The following ZFPM1 variants were observed in gnomAD, a reference collection of about 807,000 sequenced individuals.
ZFPM1 encodes zinc finger protein, FOG family member 1.
A neutral mutation model predicts 46.3 loss-of-function variants in ZFPM1; 28 were observed. That is an observed-to-expected ratio of 0.60 (90% CI 0.45 to 0.83). The LOEUF is 0.83. ZFPM1 is among the 40% of genes least tolerant of loss of function. The probability of loss-of-function intolerance (pLI) is 0.00; values close to 1 mark genes in which losing one functional copy is unlikely to be tolerated. For synonymous variants in ZFPM1, 957 were observed against 675.9 expected (o/e 1.42, Z -6.45); for missense variants, 1,878 against 1,432.4 (o/e 1.31, Z -5.02).
Position 88,503,719 on chromosome 16 carries a change from A to G in ZFPM1, c.269-10668A>G, listed in dbSNP as rs568735083. 1.9e-3 allele frequency among the ~76,000 whole-genome samples: 284 copies of G among 152,284 alleles called. 1 individual carries two copies. Among genetic ancestry groups the G allele is most frequent in the African/African-American group, 6.4e-3 (266 of 41,552 alleles). On this transcript the variant is annotated intron_variant, in intron 3 of 9. Coordinates refer to ENST00000319555, the MANE Select transcript of ZFPM1 (RefSeq NM_153813.3). The stretch of plus-strand genomic sequence containing the variant: ...CTTTTAGAAGAGGAGACACATTCAC[A>G]GTTCACGGAAGCACCTTCTGCCTCC...
Position 88,499,615 on chromosome 16 carries a change from C to T in ZFPM1, c.268+10462C>T, listed in dbSNP as rs892997462. On this transcript the variant is annotated intron_variant, in intron 3 of 9. Coordinates refer to ENST00000319555, the MANE Select transcript of ZFPM1 (RefSeq NM_153813.3). ...AGTGTGGGGGACCCCACCTGGGTGG[C>T]CCCTGAATCCCGCTGGCTGGGTGGA... Among the ~76,000 whole-genome samples, 25 of 152,374 alleles carry T rather than the reference C, an allele frequency of 1.6e-4. No homozygotes were observed. The East Asian group carries it at 3.9e-3, about 24-fold the overall frequency.
chr16:88,498,642 C>T (rs9924399), intron 3 of ZFPM1, among the ~76,000 whole-genome samples: 4 of 152,012 alleles, frequency 2.6e-5, no homozygotes, highest in East Asian at 1.9e-4. Context: ...TCCAAATGAA[C>T]GAGGGGCGTC....
intron 4 of ZFPM1, among the ~76,000 whole-genome samples, chr16:88,522,918 T>C (rs1017778394): frequency 2.0e-5 from 3 of 152,052 alleles, no homozygotes; most frequent in Non-Finnish European, 2.9e-5. Context: ...ATAGGCCCCC[T>C]CCCAAGGCCA....
intron 6 of ZFPM1, among the ~76,000 whole-genome samples, chr16:88,530,089 A>G (rs1993994): frequency 0.95 from 143,870 of 152,144 alleles, 68,114 homozygotes; most frequent in East Asian, 1. Context: ...TGAAGAAGGC[A>G]CGGAGGGGAT....
rs186512012 is a variant in ZFPM1 at position 88,467,757 on chromosome 16, C to A, written c.40+14079C>A. On this transcript the variant is annotated intron_variant, in intron 1 of 9. Transcript: ENST00000319555. ...TGGCTGGGACCTGAGATGGGGAGGC[C>A]CCCACCCCCTAGTTCCATGGCTTTG... 9.8e-3 allele frequency among the ~76,000 whole-genome samples: 1,494 copies of A among 152,214 alleles called. 22 individuals are homozygous for A. The highest frequency in any genetic ancestry group is 0.035 in the African/African-American group (1,436 of 41,516).
chr16:88,484,316 C>T (rs1226798824), intron 1 of ZFPM1, among the ~76,000 whole-genome samples: 7 of 152,208 alleles, frequency 4.6e-5, no homozygotes, highest in South Asian at 2.1e-4. Flanking sequence ...TCCATCCGTG[C>T]GGCTTGCTTG....
rs1267956221 is a variant in ZFPM1, at chr16:88,532,117, C to T, written c.828C>T (p.Ala276=). Residue 276 remains alanine, a synonymous_variant, in exon 7 of 10, where the codon GCC becomes GCT. Coordinates refer to ENST00000319555, the MANE Select transcript of ZFPM1 (RefSeq NM_153813.3). The stretch of plus-strand genomic sequence containing the variant: ...AGGGCACCGGCTCCCCGGCCGCAGC[C>T]GCCACAGACGAGAAGCCCAAAGAGA... ...SRQGTGSPAA[A]ATDEKPKETY... 2.5e-6 allele frequency: 4 copies of T among 1,612,488 alleles called. No individual in the cohort carries two copies. The highest frequency in any genetic ancestry group is 3.4e-6 in the Non-Finnish European group (4 of 1,179,792).
chr16:88,472,675 G>T (rs546212018), intron 1 of ZFPM1, among the ~76,000 whole-genome samples: 1 of 152,234 alleles, frequency 6.6e-6, no homozygotes, highest in East Asian at 1.9e-4. Flanking sequence ...TTTTATTGTG[G>T]TAAAGTGTAC....
intron 1 of ZFPM1, among the ~76,000 whole-genome samples, chr16:88,458,108 G>A (rs746507435): frequency 2.6e-5 from 4 of 152,182 alleles, no homozygotes; most frequent in African/African-American, 7.2e-5. Flanking sequence ...GAAGTTTCTC[G>A]CCCAAGCAAG....
chr16:88,496,865 T>C (rs1434931790), intron 3 of ZFPM1, among the ~76,000 whole-genome samples: 2 of 152,134 alleles, frequency 1.3e-5, no homozygotes, highest in Non-Finnish European at 2.9e-5. Context: ...CTGAGTTGGA[T>C]CCCACTCTAC....
intron 3 of ZFPM1, among the ~76,000 whole-genome samples, chr16:88,502,406 G>T (rs1168445753): frequency 1.3e-5 from 2 of 152,128 alleles, no homozygotes; most frequent in African/African-American, 2.4e-5. Context: ...TGCCCCATAG[G>T]CCTGACGCCT....
At position 88,494,491 on chromosome 16, in the gene ZFPM1, A is replaced by G. The variant is rs375848671; in HGVS notation, c.268+5338A>G. 1.6e-3 allele frequency among the ~76,000 whole-genome samples: 245 copies of G among 152,198 alleles called. 1 individual carries two copies. Among genetic ancestry groups the G allele is most frequent in the African/African-American group, 5.7e-3 (237 of 41,516 alleles). On this transcript the variant is annotated intron_variant, in intron 3 of 9. Transcript: ENST00000319555. ...GGCAGAGCCTCCCGTCACAGGGACC[A>G]ATCACAACACACCAAACCCCGCCGT...
chr16:88,486,856 G>T (rs776766629), intron 2 of ZFPM1, among the ~76,000 whole-genome samples: 5 of 152,068 alleles, frequency 3.3e-5, no homozygotes, highest in Non-Finnish European at 5.9e-5. Context: ...GGTGCAAGTG[G>T]GTGCTGGGTG....
At chr16:88,455,661 A>C (rs1907518501) in intron 1 of ZFPM1, among the ~76,000 whole-genome samples, 1 of 151,902 alleles carries the variant, frequency 6.6e-6, no homozygotes, top group Non-Finnish European at 1.5e-5. Flanking sequence ...GCCCTGGCGC[A>C]GCTGCCCGCG....
chr16:88,486,177 C>T (rs1225254207), intron 2 of ZFPM1, 134 bp downstream of exon 2: 1 of 936,776 alleles, frequency 1.1e-6, no homozygotes, highest in Non-Finnish European at 1.6e-6. Flanking sequence ...CAGGCGTCTT[C>T]CAGCCAGAGG....
intron 3 of ZFPM1, among the ~76,000 whole-genome samples, chr16:88,503,049 G>C (rs940514128): frequency 2.6e-5 from 4 of 152,276 alleles, no homozygotes; most frequent in Non-Finnish European, 5.9e-5. Flanking sequence ...CAGGGGCGCT[G>C]CTCCGCGGGG....
chr16:88,503,390 CGGTTCCTG>C (rs1910482780), intron 3 of ZFPM1, among the ~76,000 whole-genome samples: 7 of 121,476 alleles, frequency 5.8e-5, no homozygotes, highest in African/African-American at 2.6e-4. Flanking sequence ...TGGGGGGCCA[CGGTTCCTG>C]AGTGCAGGGA....
chr16:88,519,293 A>ATGGATGGG (rs565418889), intron 4 of ZFPM1, among the ~76,000 whole-genome samples: 8,843 of 144,804 alleles, frequency 0.061, 571 homozygotes, highest in African/African-American at 0.17. Flanking sequence ...GGATGGATGG[A>ATGGATGGG]TGGGTGGGTG....
chr16:88,457,897 C>T (rs1907628373), intron 1 of ZFPM1, among the ~76,000 whole-genome samples: 1 of 152,168 alleles, frequency 6.6e-6, no homozygotes, highest in Admixed American at 6.5e-5. Flanking sequence ...GAGTCCACGC[C>T]GTCACCCAGC....
Sources: allele counts gnomAD v4.1 joint callset (sites outside exome capture counted in the v4.1 genomes callset), GRCh38; gene constraint gnomAD v4.1.1; transcripts MANE v1.5; gene names NCBI Gene and HGNC (gene_info 2026-07-23, HGNC 2026-07-21).